Variants in VAPB observed in about 807,000 individuals in gnomAD.
VAPB encodes VAMP associated protein B and C, also known as vesicle-associated membrane protein-associated protein B/C.
Under a neutral mutation model 25.6 loss-of-function variants are expected in VAPB, and 7 were observed. The observed-to-expected ratio is 0.27, with a 90% CI of 0.16 to 0.51. The LOEUF is 0.51. VAPB is among the 20% of genes least tolerant of loss of function. The pLI is 0.97. For synonymous variants in VAPB, 112 were observed against 109.2 expected (o/e 1.03, Z -0.16); for missense variants, 266 against 301.3 (o/e 0.88, Z 0.87).
At chr20:58,420,896 A>G (rs1307284584) in intron 2 of VAPB, among the ~76,000 whole-genome samples, 2 of 152,230 alleles carry the variant, frequency 1.3e-5, no homozygotes, top group Non-Finnish European at 2.9e-5. Context: ...AGCTTGGGAT[A>G]AAAAGCACTG....
chr20:58,389,577 G>A, intron 1 of VAPB, 60 bp downstream of exon 1: 1 of 1,499,222 alleles, frequency 6.7e-7, no homozygotes, highest in South Asian at 1.2e-5. Flanking sequence ...CTGGAAGGAC[G>A]GAGCCCGGCG....
rs1001058672 is a variant in VAPB, at chr20:58,397,399, A to C, written c.58+7882A>C. Among the ~76,000 whole-genome samples, 4 of 152,030 alleles carry C rather than the reference A, an allele frequency of 2.6e-5. No homozygotes were observed. In the South Asian group the frequency reaches 8.3e-4, roughly 32 times the overall value. On this transcript the variant is annotated intron_variant, in intron 1 of 5. Coordinates refer to ENST00000475243, the MANE Select transcript of VAPB (RefSeq NM_004738.5). ...CCGGGCATGGTAGCGCATGCCTGTA[A>C]TCCCAGCTACTTGGGAGGCTGAGGC... is the stretch of plus-strand genomic sequence containing the variant.
At chr20:58,415,717 C>T (rs1336838205) in intron 1 of VAPB, among the ~76,000 whole-genome samples, 1 of 151,858 alleles carries the variant, frequency 6.6e-6, no homozygotes, top group East Asian at 1.9e-4. Context: ...TAGTAAAATC[C>T]CATTTTTTAC....
rs540614460 is a variant in VAPB at position 58,445,147 on chromosome 20, G to T, written c.*912G>T. Reference sequence around the variant, plus strand: ...AGCTGCCAGGAAGTGTTTTTTCTGGGTCAGTAAATAACAACTGTCATAGGG... The same window carrying T: ...AGCTGCCAGGAAGTGTTTTTTCTGGTTCAGTAAATAACAACTGTCATAGGG... On this transcript the variant is annotated 3_prime_UTR_variant, in exon 6 of 6. Coordinates refer to ENST00000475243, the MANE Select transcript of VAPB (RefSeq NM_004738.5). The T allele has an allele frequency of 1.3e-5, 6 of 454,132 alleles. No individual in the cohort carries two copies. The Admixed American group carries it at 1.4e-4, about 11-fold the overall frequency. The allele number at this position is 454,132 out of a possible 1,614,324, so 28.1% of individuals were successfully genotyped here.
In VAPB at chr20:58,447,555, A is replaced by G. The variant is rs1478586405; in HGVS notation, c.*3320A>G. The G allele has an allele frequency of 8.8e-6, 4 of 454,008 alleles. No homozygotes were observed. Among genetic ancestry groups the G allele is most frequent in the Non-Finnish European group, 1.3e-5 (3 of 226,798 alleles). The allele number at this position is 454,008 out of a possible 1,614,324, so 28.1% of individuals were successfully genotyped here. On this transcript the variant is annotated 3_prime_UTR_variant, in exon 6 of 6. Coordinates refer to ENST00000475243, the MANE Select transcript of VAPB (RefSeq NM_004738.5). ...AACAGAATTGCTATCGAAAGATATC[A>G]TTGCCCAGTTTGCAGGCTATGTTGA...
chr20:58,394,302 T>C (rs994970051), intron 1 of VAPB, among the ~76,000 whole-genome samples: 70 of 152,366 alleles, frequency 4.6e-4, no homozygotes, highest in African/African-American at 1.7e-3. Flanking sequence ...TTCAAGTTGA[T>C]GTGTAATTTA....
rs2234489 is a variant in VAPB, at chr20:58,438,817, G to A, written c.316-128G>A. 128,511 of 750,374 alleles carry A rather than the reference G, an allele frequency of 0.17. 12,771 individuals are homozygous for A. The highest frequency in any genetic ancestry group is 0.34 in the East Asian group (12,804 of 37,364). 46.5% of individuals were successfully genotyped at this position (750,374 alleles called of 1,614,324 possible). On this transcript the variant is annotated intron_variant, in intron 3 of 5. Coordinates refer to ENST00000475243, the MANE Select transcript of VAPB (RefSeq NM_004738.5). ...AATATTGAAATCTCAGCAGACTTCAGTTCTTTATTTGATATACATCAGGGC... is the reference window on the plus strand; with the variant it reads ...AATATTGAAATCTCAGCAGACTTCAATTCTTTATTTGATATACATCAGGGC...
intron 5 of VAPB, among the ~76,000 whole-genome samples, chr20:58,443,048 G>T (rs1276964783): frequency 1.5e-4 from 23 of 152,094 alleles, no homozygotes; most frequent in Admixed American, 1.5e-3. Context: ...CATGGAAATG[G>T]CATCATAGAT....
intron 1 of VAPB, among the ~76,000 whole-genome samples, chr20:58,403,882 GC>G (rs2123032987): frequency 6.6e-6 from 1 of 152,230 alleles, no homozygotes; most frequent in Non-Finnish European, 1.5e-5. Context: ...CTTGGGAATG[GC>G]CCTTGCACCA....
At chr20:58,424,897 TCATTA>T (rs1988753499) in intron 2 of VAPB, among the ~76,000 whole-genome samples, 1 of 152,204 alleles carries the variant, frequency 6.6e-6, no homozygotes. Flanking sequence ...TAAATGCAAT[TCATTA>T]TTTATTTGCT....
intron 1 of VAPB, among the ~76,000 whole-genome samples, chr20:58,405,652 C>T (rs1480680291): frequency 6.6e-6 from 1 of 150,422 alleles, no homozygotes; most frequent in African/African-American, 2.5e-5. Context: ...ACCATGTTGC[C>T]CAGGCTGGTC....
intron 1 of VAPB, among the ~76,000 whole-genome samples, chr20:58,396,192 T>C (rs55800081): frequency 0.21 from 31,565 of 152,172 alleles, 3,699 homozygotes; most frequent in African/African-American, 0.3. Context: ...CTTCATCCTT[T>C]CAGAAGGGCT....
In VAPB at chr20:58,398,995, A is replaced by G. The variant is rs567865468; in HGVS notation, c.58+9478A>G. Among the ~76,000 whole-genome samples the G allele has an allele frequency of 3.3e-5, 5 of 152,196 alleles. No homozygotes were observed. The South Asian group carries it at 6.2e-4, about 19-fold the overall frequency. The stretch of plus-strand genomic sequence containing the variant: ...CTAGAGAAAGAGGCTTGAAAGAGAA[A>G]TGGGATAGAAAAATAAAGGAAAAGG... On this transcript the variant is annotated intron_variant, in intron 1 of 5. Coordinates refer to ENST00000475243, the MANE Select transcript of VAPB (RefSeq NM_004738.5).
At position 58,449,403 on chromosome 20, in the gene VAPB, G is replaced by A. The variant is rs1286443777; in HGVS notation, c.*5168G>A. On this transcript the variant is annotated 3_prime_UTR_variant, in exon 6 of 6. Coordinates refer to ENST00000475243, the MANE Select transcript of VAPB (RefSeq NM_004738.5). ...GATAGTTAAAAGAGAAACGGGTGGAGGTGGATGAGAGGTTGTCTTCATGAA... is the reference window on the plus strand; with the variant it reads ...GATAGTTAAAAGAGAAACGGGTGGAAGTGGATGAGAGGTTGTCTTCATGAA... 2.2e-6 allele frequency: 1 copy of A among 453,498 alleles called. No individual in the cohort carries two copies. 28.1% of individuals were successfully genotyped at this position (453,498 alleles called of 1,614,324 possible). A position where few individuals can be genotyped will look rare whatever the true frequency, so the allele number is the denominator to read the frequency against.
intron 1 of VAPB, among the ~76,000 whole-genome samples, chr20:58,392,097 T>C (rs550471117): frequency 3.9e-5 from 6 of 152,238 alleles, no homozygotes; most frequent in Non-Finnish European, 8.8e-5. Context: ...TTTTGTTCAA[T>C]TGTTTTACTG....
At chr20:58,405,353 G>A (rs1345201869) in intron 1 of VAPB, among the ~76,000 whole-genome samples, 1 of 152,218 alleles carries the variant, frequency 6.6e-6, no homozygotes, top group Non-Finnish European at 1.5e-5. Flanking sequence ...GGGGAGATGA[G>A]CTCAAAGAAG....
intron 1 of VAPB, among the ~76,000 whole-genome samples, chr20:58,410,273 T>C (rs1988344570): frequency 6.6e-6 from 1 of 152,218 alleles, no homozygotes; most frequent in African/African-American, 2.4e-5. Context: ...TCTAGTGTTG[T>C]ACATTCTGTG....
chr20:58,430,192 CTT>C (rs879865366), intron 2 of VAPB, among the ~76,000 whole-genome samples: 13 of 151,384 alleles, frequency 8.6e-5, no homozygotes, highest in Non-Finnish European at 1.6e-4. Context: ...TGAAAAGTAA[CTT>C]TTCAAAAAAA....
chr20:58,449,077 AAGT>A lies in VAPB; in HGVS notation c.*4844_*4846del. 2.2e-6 allele frequency: 1 copy of A among 454,126 alleles called. No individual in the cohort carries two copies. The highest frequency in any genetic ancestry group is 4.4e-6 in the Non-Finnish European group (1 of 226,778). 28.1% of individuals were successfully genotyped at this position (454,126 alleles called of 1,614,324 possible). Reference sequence around the variant, plus strand: ...TCTCCAGGATATCAGCAAAGAGGGCAAGTAATAGAAGCCCCTGATAAGGAGCGT... The same window carrying A: ...TCTCCAGGATATCAGCAAAGAGGGCAAATAGAAGCCCCTGATAAGGAGCGT... On this transcript the variant is annotated 3_prime_UTR_variant, in exon 6 of 6. Transcript: ENST00000475243.
Sources: gnomAD v4.1 joint callset for allele counts (sites outside exome capture counted in the v4.1 genomes callset) on GRCh38, gnomAD v4.1.1 for gene constraint, MANE v1.5 for transcripts, NCBI Gene and HGNC (gene_info 2026-07-23, HGNC 2026-07-21) for gene names.